PARD3: variants seen among roughly 807,000 people sequenced by gnomAD.
PARD3 encodes the protein par-3 family cell polarity regulator, also known as partitioning defective 3 homolog.
PARD3 carries 75 observed loss-of-function variants against 155.4 expected under a neutral mutation model. The observed-to-expected ratio is 0.48, with a 90% CI of 0.40 to 0.58. The LOEUF (loss-of-function observed/expected upper bound fraction) is 0.58. PARD3 is among the 20% of genes least tolerant of loss of function. The pLI is 0.00. For missense variants in PARD3, 1,642 were observed against 1,721.7 expected (o/e 0.95, Z 0.82); for synonymous variants, 576 against 610.5 (o/e 0.94, Z 0.83).
intron 2 of PARD3, among the ~76,000 whole-genome samples, chr10:34,682,703 C>T (rs183434814): frequency 1.3e-4 from 20 of 152,188 alleles, no homozygotes; most frequent in African/African-American, 4.3e-4. Context: ...GCCTGGGTGA[C>T]AGACCAAGAC....
chr10:34,785,093 T>C (rs917014979), intron 1 of PARD3, among the ~76,000 whole-genome samples: 1 of 152,242 alleles, frequency 6.6e-6, no homozygotes, highest in Non-Finnish European at 1.5e-5. Flanking sequence ...ATTCTATATG[T>C]GGACTACTAG....
intron 2 of PARD3, among the ~76,000 whole-genome samples, chr10:34,694,750 C>A (rs1301228501): frequency 6.6e-6 from 1 of 152,158 alleles, no homozygotes; most frequent in Non-Finnish European, 1.5e-5. Context: ...TCCACCATGA[C>A]AGGTGCAACA....
intron 2 of PARD3, among the ~76,000 whole-genome samples, chr10:34,541,753 G>A (rs920696559): frequency 6.6e-6 from 1 of 152,184 alleles, no homozygotes; most frequent in African/African-American, 2.4e-5. Context: ...AATATTATAT[G>A]TATTCATCAG....
intron 5 of PARD3, among the ~76,000 whole-genome samples, chr10:34,411,734 AGAT>A (rs1263376817): frequency 1.0e-4 from 2 of 19,706 alleles, no homozygotes; most frequent in Admixed American, 6.8e-4. Context: ...ATACATATCT[AGAT>A]AGATAGATAG....
At chr10:34,305,672 C>T (rs1313333984) in intron 20 of PARD3, among the ~76,000 whole-genome samples, 1 of 152,168 alleles carries the variant, frequency 6.6e-6, no homozygotes, top group African/African-American at 2.4e-5. Flanking sequence ...TTCTGACAGT[C>T]TTATGTAGAG....
intron 11 of PARD3, among the ~76,000 whole-genome samples, chr10:34,373,309 A>T (rs1306085446): frequency 2.6e-5 from 4 of 152,098 alleles, no homozygotes; most frequent in African/African-American, 4.8e-5. Flanking sequence ...AAGAAAAAAA[A>T]AAAGTAGGTA....
At chr10:34,240,829 G>C (rs959508254) in intron 22 of PARD3, among the ~76,000 whole-genome samples, 1 of 152,078 alleles carries the variant, frequency 6.6e-6, no homozygotes, top group Non-Finnish European at 1.5e-5. Context: ...AAACTATAGA[G>C]AGAAGGACCT....
intron 22 of PARD3, among the ~76,000 whole-genome samples, chr10:34,231,250 T>C (rs181157538): frequency 5.5e-4 from 69 of 125,670 alleles, no homozygotes; most frequent in Middle Eastern, 4.8e-3. Flanking sequence ...ACTAGTGTTA[T>C]TAATATAATC....
intron 2 of PARD3, among the ~76,000 whole-genome samples, chr10:34,669,710 T>C (rs1287271308): frequency 1.3e-5 from 2 of 152,174 alleles, no homozygotes; most frequent in African/African-American, 2.4e-5. Flanking sequence ...TGGACCCTTC[T>C]CACAAAATAC....
intron 22 of PARD3, among the ~76,000 whole-genome samples, chr10:34,222,907 C>T (rs907369227): frequency 2.0e-5 from 3 of 152,184 alleles, no homozygotes; most frequent in African/African-American, 7.2e-5. Context: ...CTGGCCCACC[C>T]GGCTCTCCTC....
In PARD3 at chr10:34,146,124, C is replaced by T. The variant is rs115481378; in HGVS notation, c.3420-14541G>A. On this transcript the variant is annotated intron_variant, in intron 22 of 24. Coordinates refer to ENST00000374788, the MANE Select transcript of PARD3 (RefSeq NM_001184785.2). ...AAATAGAGTTACTATTTCTATATCT[C>T]ATTCTGTTTCTTGTTTTGGAGTGAT... Among the ~76,000 whole-genome samples the T allele has an allele frequency of 5.0e-3, 766 of 152,258 alleles. 3 individuals are homozygous for T. Among genetic ancestry groups the T allele is most frequent in the African/African-American group, 0.017 (687 of 41,542 alleles).
In PARD3 at chr10:34,450,285, A is replaced by T. The variant is rs762975512; in HGVS notation, c.714+32T>A. 4 of 1,600,000 alleles carry T rather than the reference A, an allele frequency of 2.5e-6. No individual in the cohort carries two copies. In the African/African-American group the frequency reaches 5.4e-5, roughly 22 times the overall value. ...GGGGTATGGGACAGGATGTTACAGC[A>T]ATGACGCACATATAAGGATTTGTCA... On this transcript the variant is annotated intron_variant, in intron 5 of 24. Coordinates refer to ENST00000374788, the MANE Select transcript of PARD3 (RefSeq NM_001184785.2).
At chr10:34,408,123 A>T (rs1466549072) in intron 5 of PARD3, among the ~76,000 whole-genome samples, 2 of 152,134 alleles carry the variant, frequency 1.3e-5, no homozygotes, top group East Asian at 3.8e-4. Flanking sequence ...GCCTATATTT[A>T]TAATTTTTAA....
In PARD3 at chr10:34,444,299, A is replaced by G. The variant is rs16935414; in HGVS notation, c.714+6018T>C. On this transcript the variant is annotated intron_variant, in intron 5 of 24. Coordinates refer to ENST00000374788, the MANE Select transcript of PARD3 (RefSeq NM_001184785.2). ...TGGTCCTAAATTCTTCCAGTCATGT[A>G]TCACAAAGTCCCTGCTGCCTCTTCT... Among the ~76,000 whole-genome samples the G allele has an allele frequency of 2.4e-3, 360 of 152,338 alleles. 1 individual carries two copies. The highest frequency in any genetic ancestry group is 0.021 in the East Asian group (108 of 5,188).
intron 10 of PARD3, among the ~76,000 whole-genome samples, chr10:34,376,984 T>C (rs1003692817): frequency 3.3e-5 from 5 of 152,238 alleles, no homozygotes; most frequent in African/African-American, 4.8e-5. Flanking sequence ...ACACAAATTA[T>C]GTATGTTAAT....
chr10:34,468,259 G>A (rs561491382), intron 4 of PARD3, among the ~76,000 whole-genome samples: 1 of 152,278 alleles, frequency 6.6e-6, no homozygotes, highest in South Asian at 2.1e-4. Flanking sequence ...GTGATTTTGT[G>A]AGAAAAACAT....
chr10:34,450,172 C>A, intron 5 of PARD3, 145 bp downstream of exon 5: 1 of 680,202 alleles, frequency 1.5e-6, no homozygotes, highest in Admixed American at 2.9e-5. Context: ...TAGATAAACT[C>A]TGACATAGAG....
intron 7 of PARD3, among the ~76,000 whole-genome samples, chr10:34,390,404 T>C (rs1480044236): frequency 6.6e-6 from 1 of 152,188 alleles, no homozygotes; most frequent in Non-Finnish European, 1.5e-5. Flanking sequence ...TCAAGGCACA[T>C]AACAAAAGAT....
intron 2 of PARD3, among the ~76,000 whole-genome samples, chr10:34,673,768 C>T (rs1164482526): frequency 2.0e-5 from 3 of 152,030 alleles, no homozygotes; most frequent in Non-Finnish European, 4.4e-5. Flanking sequence ...GATATCGAGA[C>T]AGACAGACAG....
Sources: gnomAD v4.1 joint callset for allele counts (sites outside exome capture counted in the v4.1 genomes callset) on GRCh38, gnomAD v4.1.1 for gene constraint, MANE v1.5 for transcripts, NCBI Gene and HGNC (gene_info 2026-07-23, HGNC 2026-07-21) for gene names.